The following TMEM178B variants were observed in gnomAD, a reference collection of about 807,000 sequenced individuals.
The protein encoded by TMEM178B is transmembrane protein 178B.
A neutral mutation model predicts 31.0 loss-of-function variants in TMEM178B; 5 were observed. The ratio of observed to expected loss-of-function variants is 0.16; its 90% CI spans 0.08 to 0.34. The LOEUF is 0.34. Ranked by LOEUF, TMEM178B falls within the 10% of genes least tolerant of loss-of-function variation. The pLI is 1.00. For missense variants in TMEM178B, 275 were observed against 400.3 expected, an observed-to-expected ratio of 0.69 and a Z score of 2.67; for synonymous variants, 164 against 164.0, an observed-to-expected ratio of 1.00 and a Z score of 0.00.
rs570612947 is a variant in TMEM178B, at chr7:141,295,040, A to C, written c.496+82336A>C. Among the ~76,000 whole-genome samples, 19 of 152,274 alleles carry C rather than the reference A, an allele frequency of 1.2e-4. No homozygotes were observed. The East Asian group carries it at 3.3e-3, about 26-fold the overall frequency. Reference sequence around the variant, plus strand: ...AGCTGCTTGGGGCTTGCTGCCCTCAATATGGGTTTGGGATGATACGATGAG... The same window carrying C: ...AGCTGCTTGGGGCTTGCTGCCCTCACTATGGGTTTGGGATGATACGATGAG... On this transcript the variant is annotated intron_variant, in intron 2 of 3. Coordinates refer to ENST00000565468, the MANE Select transcript of TMEM178B (RefSeq NM_001195278.2).
At position 141,227,063 on chromosome 7, in the gene TMEM178B, C is replaced by T. The variant is rs147403380; in HGVS notation, c.496+14359C>T. Among the ~76,000 whole-genome samples the T allele has an allele frequency of 6.8e-4, 104 of 152,190 alleles. 1 individual carries two copies. Among genetic ancestry groups the T allele is most frequent in the Middle Eastern group, 3.4e-3 (1 of 294 alleles). ...TAGTGCCCAGTGTGGACTGAGAGTC[C>T]GCTGTGTGGACAGCACTGGAGCTGG... On this transcript the variant is annotated intron_variant, in intron 2 of 3. Transcript: ENST00000565468.
At chr7:141,215,262 G>A (rs1797111852) in intron 2 of TMEM178B, among the ~76,000 whole-genome samples, 1 of 151,740 alleles carries the variant, frequency 6.6e-6, no homozygotes, top group African/African-American at 2.4e-5. Context: ...TGAGAGTCCT[G>A]CACTCTTTAA....
intron 1 of TMEM178B, among the ~76,000 whole-genome samples, chr7:141,158,784 C>T (rs1037149810): frequency 2.6e-5 from 4 of 152,060 alleles, no homozygotes; most frequent in Non-Finnish European, 5.9e-5. Context: ...GGTCTGACTT[C>T]CTGCCAGCCT....
chr7:141,098,274 C>T (rs1293237671), intron 1 of TMEM178B, among the ~76,000 whole-genome samples: 1 of 152,144 alleles, frequency 6.6e-6, no homozygotes, highest in Admixed American at 6.6e-5. Flanking sequence ...GAAAATGTCC[C>T]CAGTGTCAAT....
At chr7:141,296,213 G>C (rs1798629983) in intron 2 of TMEM178B, among the ~76,000 whole-genome samples, 1 of 151,922 alleles carries the variant, frequency 6.6e-6, no homozygotes, top group African/African-American at 2.4e-5. Flanking sequence ...GATTATAGTT[G>C]CGTACCATCA....
In TMEM178B at chr7:141,247,738, G is replaced by A. The variant is rs544199844; in HGVS notation, c.496+35034G>A. On this transcript the variant is annotated intron_variant, in intron 2 of 3. Coordinates refer to ENST00000565468, the MANE Select transcript of TMEM178B (RefSeq NM_001195278.2). ...ATCAGAGGTGTGATTGTCAGGTAAT[G>A]TAGGATGCCAAGTTACATTTGCATT... Among the ~76,000 whole-genome samples the A allele has an allele frequency of 5.6e-4, 85 of 152,320 alleles. 1 individual carries two copies. In the South Asian group the frequency reaches 0.017, roughly 30 times the overall value.
At chr7:141,214,618 A>T (rs933763962) in intron 2 of TMEM178B, among the ~76,000 whole-genome samples, 25 of 152,206 alleles carry the variant, frequency 1.6e-4, no homozygotes, top group Admixed American at 4.6e-4. Flanking sequence ...AGATACCTGG[A>T]ATTCAAAGAG....
rs1799584431 is a variant in TMEM178B at position 141,344,611 on chromosome 7, CCTTCCTTCCTTCCTTCCTCCCTT to C, written c.497-92995_497-92973del. On this transcript the variant is annotated intron_variant, in intron 2 of 3. Coordinates refer to ENST00000565468, the MANE Select transcript of TMEM178B (RefSeq NM_001195278.2). The surrounding 1 kb of genome is among the most constrained non-coding windows in gnomAD (Gnocchi z 4.1). ...TCCTTCCTTCCTTCCTTCCTTCCTT[CCTTCCTTCCTTCCTTCCTCCCTT>C]CCTTCTTCCCTTCATCAAAAGACCT... Among the ~76,000 whole-genome samples the C allele has an allele frequency of 6.7e-6, 1 of 149,808 alleles. No individual in the cohort carries two copies. Among genetic ancestry groups the C allele is most frequent in the South Asian group, 2.2e-4 (1 of 4,558 alleles).
chr7:141,080,638 G>A (rs1359785549), intron 1 of TMEM178B, among the ~76,000 whole-genome samples: 1 of 152,186 alleles, frequency 6.6e-6, no homozygotes, highest in African/African-American at 2.4e-5. Context: ...TAGTCATAGA[G>A]TAAAAATAAT....
intron 1 of TMEM178B, among the ~76,000 whole-genome samples, chr7:141,126,195 C>T (rs892067771): frequency 6.6e-6 from 1 of 152,022 alleles, no homozygotes; most frequent in Non-Finnish European, 1.5e-5. Flanking sequence ...GCTGAGAGGA[C>T]ATTTGGTTTG....
chr7:141,271,180 T>G (rs1414304633), intron 2 of TMEM178B, among the ~76,000 whole-genome samples: 2 of 152,206 alleles, frequency 1.3e-5, no homozygotes, highest in African/African-American at 4.8e-5. Context: ...CCAGTGAGTA[T>G]TGTTCCTTCA....
intron 2 of TMEM178B, 28 bp downstream of exon 2, chr7:141,212,732 T>A: frequency 6.7e-7 from 1 of 1,494,822 alleles, no homozygotes; most frequent in Non-Finnish European, 9.0e-7. Flanking sequence ...TCAGTGGCTG[T>A]GACTGTGCTG....
intron 2 of TMEM178B, among the ~76,000 whole-genome samples, chr7:141,381,809 G>A (rs1287929261): frequency 6.6e-6 from 1 of 152,116 alleles, no homozygotes; most frequent in Non-Finnish European, 1.5e-5. Flanking sequence ...TATCTGAGGG[G>A]CACTGAATGT....
At chr7:141,258,223 A>T (rs1041225477) in intron 2 of TMEM178B, among the ~76,000 whole-genome samples, 1 of 151,880 alleles carries the variant, frequency 6.6e-6, no homozygotes, top group Non-Finnish European at 1.5e-5. Context: ...CATATGTTAT[A>T]AACCCCCAGA....
intron 1 of TMEM178B, among the ~76,000 whole-genome samples, chr7:141,127,801 G>GAGA (rs1795525299): frequency 6.6e-6 from 1 of 152,170 alleles, no homozygotes; most frequent in Non-Finnish European, 1.5e-5. Context: ...TAGCTTCCCT[G>GAGA]AGAAGTCTTT....
intron 2 of TMEM178B, among the ~76,000 whole-genome samples, chr7:141,264,863 G>A (rs1798071452): frequency 6.6e-6 from 1 of 152,214 alleles, no homozygotes. Flanking sequence ...TTGCGAGCAT[G>A]TCAATAGTAA....
chr7:141,122,662 A>G (rs1280629338), intron 1 of TMEM178B, among the ~76,000 whole-genome samples: 2 of 152,240 alleles, frequency 1.3e-5, no homozygotes, highest in Admixed American at 6.5e-5. Flanking sequence ...ACACAAATGT[A>G]ATATTATTTA....
At chr7:141,138,941 G>A (rs373904727) in intron 1 of TMEM178B, among the ~76,000 whole-genome samples, 94 of 151,560 alleles carry the variant, frequency 6.2e-4, no homozygotes, top group African/African-American at 2.0e-3. Flanking sequence ...CTGAGATCGC[G>A]CCACCGCAGT....
chr7:141,118,161 TC>T (rs1215075584), intron 1 of TMEM178B, among the ~76,000 whole-genome samples: 11 of 152,334 alleles, frequency 7.2e-5, no homozygotes, highest in African/African-American at 2.6e-4. Context: ...TGTGGCTCAT[TC>T]CTGTGCCCAC....
Sources: gnomAD v4.1 joint callset for allele counts (sites outside exome capture counted in the v4.1 genomes callset) on GRCh38, gnomAD v4.1.1 for gene constraint, Gnocchi (gnomAD v3.1) non-coding constraint, MANE v1.5 for transcripts, NCBI Gene and HGNC (gene_info 2026-07-23, HGNC 2026-07-21) for gene names.